Variants in PCDH15 observed in about 807,000 individuals in gnomAD.
The protein encoded by PCDH15 is protocadherin related 15, also known as protocadherin-15.
A neutral mutation model predicts 178.5 loss-of-function variants in PCDH15; 129 were observed. The ratio of observed to expected loss-of-function variants is 0.72; its 90% CI spans 0.63 to 0.84. The LOEUF (loss-of-function observed/expected upper bound fraction) is 0.84. Ranked by LOEUF, PCDH15 falls within the 40% of genes least tolerant of loss-of-function variation. PCDH15 has a pLI of 0.00. For synonymous variants in PCDH15, 800 were observed against 732.0 expected (o/e 1.09, Z -1.50); for missense variants, 2,230 against 2,099.9 (o/e 1.06, Z -1.21).
In PCDH15 at chr10:55,567,172, A is replaced by G. The variant is rs1336017174; in HGVS notation, c.-156+60453T>C. Among the ~76,000 whole-genome samples the G allele has an allele frequency of 2.6e-5, 4 of 152,052 alleles. No individual in the cohort carries two copies. The East Asian group carries it at 7.8e-4, about 30-fold the overall frequency. On this transcript the variant is annotated intron_variant, in intron 2 of 5. Transcript: ENST00000613346. ...TTCAATTACGGTGTCAAGAGTATTC[A>G]ATGGGGAAAAGGCAGTATTTTCAAT...
At position 55,192,598 on chromosome 10, in the gene PCDH15, G is replaced by A. The variant is rs866940842; in HGVS notation, c.-155-25947C>T. On this transcript the variant is annotated intron_variant, in intron 1 of 5. Coordinates refer to the PCDH15 transcript ENST00000458638. Reference sequence around the variant, plus strand: ...ACTAATCCCAAGGAATCACATTATAGCAAATAATTAATCTTGATATTGGCA... The same window carrying A: ...ACTAATCCCAAGGAATCACATTATAACAAATAATTAATCTTGATATTGGCA... Among the ~76,000 whole-genome samples the A allele has an allele frequency of 4.1e-4, 62 of 151,582 alleles. 1 individual carries two copies. Among genetic ancestry groups the A allele is most frequent in the African/African-American group, 1.5e-3 (62 of 41,236 alleles).
intron 18 of PCDH15, among the ~76,000 whole-genome samples, chr10:54,062,110 A>C (rs554669580): frequency 1.1e-4 from 16 of 151,512 alleles, no homozygotes; most frequent in Non-Finnish European, 1.9e-4. Flanking sequence ...CTGTAATCCC[A>C]GCGACTCAGG....
intron 2 of PCDH15, among the ~76,000 whole-genome samples, chr10:54,657,592 A>G (rs2094429609): frequency 6.6e-6 from 1 of 152,154 alleles, no homozygotes. Context: ...AAACCACCAT[A>G]CAAAGATTAC....
chr10:53,946,854 T>C (rs2086617393), intron 23 of PCDH15, among the ~76,000 whole-genome samples: 1 of 152,204 alleles, frequency 6.6e-6, no homozygotes, highest in African/African-American at 2.4e-5. Flanking sequence ...CTCGGCTCAC[T>C]GCAACCTGTG....
chr10:55,524,649 A>C (rs866275375), intron 2 of PCDH15, among the ~76,000 whole-genome samples: 5 of 151,672 alleles, frequency 3.3e-5, no homozygotes, highest in Middle Eastern at 3.4e-3. Context: ...ACTTGTAAAT[A>C]TCCATCTTAT....
At chr10:54,913,505 C>A (rs1591779637) in intron 2 of PCDH15, among the ~76,000 whole-genome samples, 1 of 152,214 alleles carries the variant, frequency 6.6e-6, no homozygotes, top group Non-Finnish European at 1.5e-5. Context: ...TCATGGAGAA[C>A]CTCTACTAGG....
chr10:53,858,789 G>A (rs2078920428), intron 27 of PCDH15, among the ~76,000 whole-genome samples: 1 of 152,040 alleles, frequency 6.6e-6, no homozygotes, highest in East Asian at 1.9e-4. Context: ...CAAAACACTA[G>A]CTACTTCACT....
chr10:54,087,346 T>G (rs72797009), intron 16 of PCDH15, among the ~76,000 whole-genome samples: 29,862 of 152,176 alleles, frequency 0.2, 3,188 homozygotes, highest in Non-Finnish European at 0.25. Flanking sequence ...GATCAACTTT[T>G]TATCTTATAG....
intron 1 of PCDH15, among the ~76,000 whole-genome samples, chr10:54,672,999 T>C (rs183985695): frequency 2.6e-5 from 4 of 152,198 alleles, no homozygotes; most frequent in Non-Finnish European, 5.9e-5. Flanking sequence ...AAACAGGTAG[T>C]ATCTACATTC....
intron 2 of PCDH15, among the ~76,000 whole-genome samples, chr10:55,133,240 T>C (rs1467204207): frequency 2.0e-5 from 3 of 152,182 alleles, no homozygotes; most frequent in African/African-American, 7.2e-5. Flanking sequence ...GTCAAGGTCA[T>C]TGATTACTTT....
At chr10:55,277,434 T>C (rs1480047837) in intron 1 of PCDH15, among the ~76,000 whole-genome samples, 1 of 152,148 alleles carries the variant, frequency 6.6e-6, no homozygotes, top group Non-Finnish European at 1.5e-5. Flanking sequence ...TTAGGGCTGT[T>C]ATACAGTAGG....
intron 7 of PCDH15, among the ~76,000 whole-genome samples, chr10:54,317,796 T>C (rs534095278): frequency 6.6e-6 from 1 of 151,590 alleles, no homozygotes; most frequent in South Asian, 2.1e-4. Context: ...AAAAAGAAAT[T>C]AGGCACAATG....
intron 25 of PCDH15, among the ~76,000 whole-genome samples, chr10:53,911,457 G>A (rs902742533): frequency 2.6e-5 from 4 of 152,166 alleles, no homozygotes; most frequent in African/African-American, 4.8e-5. Flanking sequence ...CACATTTAAA[G>A]CAGTGTGTAG....
chr10:53,838,222 A>G (rs1226885642), intron 29 of PCDH15, among the ~76,000 whole-genome samples: 1 of 151,724 alleles, frequency 6.6e-6, no homozygotes, highest in African/African-American at 2.4e-5. Flanking sequence ...TGATCCACCC[A>G]CCTCGGCCTC....
At chr10:53,902,560 A>G (rs891530933) in intron 26 of PCDH15, among the ~76,000 whole-genome samples, 3 of 152,174 alleles carry the variant, frequency 2.0e-5, no homozygotes, top group African/African-American at 7.2e-5. Flanking sequence ...TTCAATCTTT[A>G]AAATTTTTTC....
rs576191094 is a variant in PCDH15, at chr10:54,854,302, G to T, written c.-29+43148C>A. 7.9e-5 allele frequency among the ~76,000 whole-genome samples: 12 copies of T among 152,288 alleles called. No homozygotes were observed. The South Asian group carries it at 2.5e-3, about 32-fold the overall frequency. On this transcript the variant is annotated intron_variant, in intron 3 of 5. Coordinates refer to the PCDH15 transcript ENST00000458638. ...TGACTCAGGGGGCTCCCAGAGGGCT[G>T]CAACTCTTCTTTCCTTCTCTTCACC...
At chr10:53,860,940 G>A (rs532803902) in intron 27 of PCDH15, among the ~76,000 whole-genome samples, 10 of 151,922 alleles carry the variant, frequency 6.6e-5, no homozygotes, top group Admixed American at 1.3e-4. Flanking sequence ...AACAGAAGTC[G>A]CACTACCGGG....
chr10:54,870,405 T>C (rs17595268), intron 3 of PCDH15, among the ~76,000 whole-genome samples: 5,207 of 152,308 alleles, frequency 0.034, 136 homozygotes, highest in Admixed American at 0.054. Context: ...AAGAGTCTGA[T>C]AGTTTTGTTT....
intron 3 of PCDH15, among the ~76,000 whole-genome samples, chr10:54,845,662 T>C (rs1272224259): frequency 6.6e-6 from 1 of 152,036 alleles, no homozygotes; most frequent in Non-Finnish European, 1.5e-5. Flanking sequence ...AAATTTTGAA[T>C]AGACAGAGAA....
Sources: allele counts gnomAD v4.1 joint callset (sites outside exome capture counted in the v4.1 genomes callset), GRCh38; gene constraint gnomAD v4.1.1; transcripts MANE v1.5; gene names NCBI Gene and HGNC (gene_info 2026-07-23, HGNC 2026-07-21).